CYSLTR1: variants seen among roughly 807,000 people sequenced by gnomAD.
CYSLTR1 encodes G-protein coupled receptor HG55.
CYSLTR1 carries 1 observed loss-of-function variant against 2.1 expected under a neutral mutation model. The ratio of observed to expected loss-of-function variants is 0.48; its 90% CI spans 0.17 to 2.28. The LOEUF (loss-of-function observed/expected upper bound fraction) is 2.28, where lower values mean the gene tolerates loss of function less well. Among genes scored for constraint, CYSLTR1 ranks in the 30% most tolerant of loss-of-function variants. The probability of loss-of-function intolerance (pLI) is 0.26; values close to 1 mark genes in which losing one functional copy is unlikely to be tolerated. For synonymous variants in CYSLTR1, 110 were observed against 89.6 expected (o/e 1.23, Z -1.28); for missense variants, 299 against 250.1 (o/e 1.20, Z -1.32).
intron 1 of CYSLTR1, among the ~76,000 whole-genome samples, chrX:78,317,838 A>G (rs1923478464): frequency 9.0e-6 from 1 of 111,628 alleles, no homozygotes; most frequent in South Asian, 3.7e-4. Context: ...AAGGGTGGGA[A>G]GGGAGTGAGG....
Position 78,301,255 on chromosome X carries a change from C to T in CYSLTR1, c.-114-17715G>A, listed in dbSNP as rs775359442. Among the ~76,000 whole-genome samples the T allele has an allele frequency of 5.3e-5, 6 of 112,697 alleles. No individual in the cohort carries two copies. The East Asian group carries it at 1.7e-3, about 31-fold the overall frequency. ...AACATTTGACTTCTCATTACTTATTCAAATTTCTGCAGCTGACTTGAATTT... is the reference window on the plus strand; with the variant it reads ...AACATTTGACTTCTCATTACTTATTTAAATTTCTGCAGCTGACTTGAATTT... On this transcript the variant is annotated intron_variant, in intron 1 of 2. Coordinates refer to ENST00000373304, the MANE Select transcript of CYSLTR1 (RefSeq NM_006639.4).
At chrX:78,294,643 G>A (rs1352120664) in intron 1 of CYSLTR1, among the ~76,000 whole-genome samples, 1 of 112,672 alleles carries the variant, frequency 8.9e-6, no homozygotes, top group Non-Finnish European at 1.9e-5. Flanking sequence ...TGCCCAGTTC[G>A]AGCTTCCCAG....
At chrX:78,303,158 G>A (rs1352759831) in intron 1 of CYSLTR1, among the ~76,000 whole-genome samples, 1 of 111,700 alleles carries the variant, frequency 9.0e-6, no homozygotes, top group African/African-American at 3.3e-5. Flanking sequence ...CTCCATGGGT[G>A]GCCATCAGCT....
intron 1 of CYSLTR1, among the ~76,000 whole-genome samples, chrX:78,287,156 C>A (rs781308775): frequency 9.0e-6 from 1 of 111,720 alleles, no homozygotes; most frequent in Non-Finnish European, 1.9e-5. Flanking sequence ...CAGAAGTTTT[C>A]ATTGTGATAA....
intron 1 of CYSLTR1, among the ~76,000 whole-genome samples, chrX:78,315,295 C>T (rs917336421): frequency 9.1e-6 from 1 of 110,276 alleles, no homozygotes; most frequent in Non-Finnish European, 1.9e-5. Flanking sequence ...TTTGGTGACA[C>T]AGAGCTGCTG....
At chrX:78,288,546 T>C (rs1014381144) in intron 1 of CYSLTR1, among the ~76,000 whole-genome samples, 1 of 111,555 alleles carries the variant, frequency 9.0e-6, no homozygotes, top group African/African-American at 3.3e-5. Context: ...GGTCATTCAA[T>C]TTATGTTTTT....
At chrX:78,321,573 C>G (rs2147277825) in intron 1 of CYSLTR1, 1 of 109,597 alleles carries the variant, frequency 9.1e-6, no homozygotes, top group African/African-American at 3.3e-5. Flanking sequence ...GCCTGTAATC[C>G]CAGCTACTCA....
intron 2 of CYSLTR1, among the ~76,000 whole-genome samples, chrX:78,278,075 A>G (rs1205569722): frequency 8.9e-6 from 1 of 112,349 alleles, no homozygotes; most frequent in East Asian, 2.8e-4. Context: ...CTTTTAAGAA[A>G]GAACCAAACT....
At position 78,273,702 on chromosome X, in the gene CYSLTR1, A is replaced by G. The variant is rs1372184820; in HGVS notation, c.45T>C (p.His15=). 8.3e-7 allele frequency: 1 copy of G among 1,204,598 alleles called. No individual in the cohort carries two copies. The highest frequency in any genetic ancestry group is 1.1e-6 in the Non-Finnish European group (1 of 890,974). Residue 15 remains histidine, a synonymous_variant, in exon 3 of 3, where the codon CAT becomes CAC. Coordinates refer to ENST00000373304, the MANE Select transcript of CYSLTR1 (RefSeq NM_006639.4). ...GNLTVSSATC[H]DTIDDFRNQV... is the part of the protein sequence containing the mutation. ...GATTGCGGAAGTCATCAATAGTGTC[A>G]TGGCATGTGGCAGAAGATACTGTCA...
rs772025828 is a variant in CYSLTR1 at position 78,282,887 on chromosome X, T to C, written c.-28+567A>G. Among the ~76,000 whole-genome samples, 18 of 112,551 alleles carry C rather than the reference T, an allele frequency of 1.6e-4. No homozygotes were observed. In the South Asian group the frequency reaches 3.7e-3, roughly 23 times the overall value. ...AATATACAAAGAAACAGATGGTCTATAGTCTCATTAATAACTTCCCAGTCC... is the reference window on the plus strand; with the variant it reads ...AATATACAAAGAAACAGATGGTCTACAGTCTCATTAATAACTTCCCAGTCC... On this transcript the variant is annotated intron_variant, in intron 2 of 2. Transcript: ENST00000373304.
At chrX:78,285,029 CTT>C (rs2149186076) in intron 1 of CYSLTR1, among the ~76,000 whole-genome samples, 1 of 110,599 alleles carries the variant, frequency 9.0e-6, no homozygotes, top group South Asian at 3.8e-4. Context: ...TCAGAGTTGT[CTT>C]TTATATTTTG....
intron 1 of CYSLTR1, 85 bp downstream of exon 1, chrX:78,327,220 T>A (rs966023960): frequency 1.8e-5 from 2 of 111,844 alleles, no homozygotes; most frequent in African/African-American, 6.5e-5. Flanking sequence ...ATCCCCAAAC[T>A]CCTGGGAATT....
chrX:78,302,992 C>A (rs1038693984), intron 1 of CYSLTR1, among the ~76,000 whole-genome samples: 2 of 111,503 alleles, frequency 1.8e-5, no homozygotes, highest in African/African-American at 6.5e-5. Context: ...CATTAGGACT[C>A]TCCTAGGAGT....
chrX:78,275,712 C>A (rs1459960145), intron 2 of CYSLTR1, among the ~76,000 whole-genome samples: 1 of 111,318 alleles, frequency 9.0e-6, no homozygotes. Flanking sequence ...CACATGTACC[C>A]TAGAACTTAA....
At chrX:78,312,620 A>T (rs1403659205) in intron 1 of CYSLTR1, among the ~76,000 whole-genome samples, 1 of 112,110 alleles carries the variant, frequency 8.9e-6, no homozygotes, top group East Asian at 2.8e-4. Flanking sequence ...ACATAAATCA[A>T]CAAGCACAAA....
chrX:78,318,941 T>C (rs1011165816), intron 1 of CYSLTR1: 1 of 108,495 alleles, frequency 9.2e-6, no homozygotes, highest in Admixed American at 9.9e-5. Flanking sequence ...CCTTAGCTAC[T>C]TGAAGGTGAT....
At position 78,272,160 on chromosome X, in the gene CYSLTR1, A is replaced by C. The variant is rs941909750; in HGVS notation, c.*573T>G. On this transcript the variant is annotated 3_prime_UTR_variant, in exon 3 of 3. Transcript: ENST00000373304. ...TTTTAGGACCCTTTAGCTGAATACT[A>C]GTCTGTTCTAGCACTTTTACATTCT... The C allele has an allele frequency of 9.0e-6, 1 of 111,690 alleles. No homozygotes were observed. Among genetic ancestry groups the C allele is most frequent in the Non-Finnish European group, 1.9e-5 (1 of 53,168 alleles). The allele number at this position is 111,690 out of a possible 1,213,427, so 9.2% of individuals were successfully genotyped here. A position where few individuals can be genotyped will look rare whatever the true frequency, so the allele number is the denominator to read the frequency against.
chrX:78,320,760 ATTTG>A (rs1259521093), intron 1 of CYSLTR1: 1 of 111,413 alleles, frequency 9.0e-6, no homozygotes, highest in Non-Finnish European at 1.9e-5. Flanking sequence ...ATGTTCTTCC[ATTTG>A]TTTGTATCCT....
chrX:78,287,995 C>CA (rs1203745281), intron 1 of CYSLTR1, among the ~76,000 whole-genome samples: 1 of 106,707 alleles, frequency 9.4e-6, no homozygotes, highest in Non-Finnish European at 1.9e-5. Flanking sequence ...AAGATAATTA[C>CA]AAAAAAAATT....
Sources: gnomAD v4.1 joint callset for allele counts (sites outside exome capture counted in the v4.1 genomes callset) on GRCh38, gnomAD v4.1.1 for gene constraint, MANE v1.5 for transcripts, NCBI Gene and HGNC (gene_info 2026-07-23, HGNC 2026-07-21) for gene names.